The following C16orf89 variants were observed in gnomAD, a reference collection of about 807,000 sequenced individuals.
The protein encoded by C16orf89 is chromosome 16 open reading frame 89.
Under a neutral mutation model 41.5 loss-of-function variants are expected in C16orf89, and 57 were observed. That is an observed-to-expected ratio of 1.38 (90% CI 1.11 to 1.71). The LOEUF (loss-of-function observed/expected upper bound fraction) is 1.71. Ranked by LOEUF, C16orf89 falls within the 40% of genes most tolerant of loss-of-function variation. The pLI, the probability that C16orf89 is intolerant of heterozygous loss-of-function variation, is 0.00. For missense variants in C16orf89, 575 were observed against 445.9 expected (o/e 1.29, Z -2.61); for synonymous variants, 223 against 190.6 (o/e 1.17, Z -1.40).
intron 7 of C16orf89, among the ~76,000 whole-genome samples, chr16:5,047,463 C>T (rs1956318791): frequency 7.2e-6 from 1 of 139,194 alleles, no homozygotes; most frequent in African/African-American, 2.5e-5. Flanking sequence ...TCCCCACTTT[C>T]TTTCTTTCTT....
chr16:5,062,485 C>G lies in C16orf89; in HGVS notation c.298G>C (p.Glu100Gln). 1.2e-6 allele frequency: 2 copies of G among 1,614,074 alleles called. No individual in the cohort carries two copies. Among genetic ancestry groups the G allele is most frequent in the African/African-American group, 1.3e-5 (1 of 75,040 alleles). ...LRVGMLGEKL[E>Q]AAIQRSLHYL... is the part of the protein sequence containing the mutation. ...TGGAGGGATCTCTGGATGGCAGCCT[C>G]CAGCTTCTCCCCCAGCATCCCCACG... The change falls in exon 2 of 8, where the codon GAG (glutamate) becomes CAG (glutamine). Residue 100 changes from glutamate (E) to glutamine (Q), a missense_variant. Physicochemically the swap from Glu to Gln is conservative, Grantham distance 29 (BLOSUM62 2). Coordinates refer to ENST00000472572, the MANE Select transcript of C16orf89 (RefSeq NM_001098514.3).
chr16:5,053,772 C>T (rs979329803), intron 6 of C16orf89, among the ~76,000 whole-genome samples: 2 of 152,148 alleles, frequency 1.3e-5, no homozygotes, highest in Non-Finnish European at 2.9e-5. Flanking sequence ...GTTTCTAATT[C>T]CTGAGCTCAA....
intron 6 of C16orf89, among the ~76,000 whole-genome samples, chr16:5,049,055 A>G (rs1324779030): frequency 1.3e-5 from 2 of 152,246 alleles, no homozygotes; most frequent in African/African-American, 4.8e-5. Context: ...AACCAGAAGG[A>G]AGAAGGAGTA....
rs535565132 is a variant in C16orf89, at chr16:5,051,201, A to T, written c.869-3237T>A. Among the ~76,000 whole-genome samples, 4 of 152,350 alleles carry T rather than the reference A, an allele frequency of 2.6e-5. No homozygotes were observed. In the South Asian group the frequency reaches 8.3e-4, roughly 32 times the overall value. On this transcript the variant is annotated intron_variant, in intron 6 of 7. Coordinates refer to ENST00000472572, the MANE Select transcript of C16orf89 (RefSeq NM_001098514.3). ...TGACATAATACTAGAAGTCTTAGCC[A>T]GAGCAATTAAGCAAGAGAAACAAAA...
chr16:5,060,335 A>G lies in C16orf89; in HGVS notation c.460T>C (p.Phe154Leu). ...CACACGTCACTTCTCTCCTCTGAGA[A>G]TGAGTCCTGGGGCCCGAACGTGGGG... ...VYPTFGPQDS[F>L]SEERSDVCLV... The change falls in exon 3 of 8, where the codon TTC (phenylalanine) becomes CTC (leucine). Residue 154 changes from phenylalanine (F) to leucine (L), a missense_variant. Physicochemically the swap from Phe to Leu is conservative, Grantham distance 22. Transcript: ENST00000472572. The G allele has an allele frequency of 6.2e-7, 1 of 1,613,370 alleles. No individual in the cohort carries two copies.
intron 6 of C16orf89, among the ~76,000 whole-genome samples, chr16:5,051,829 G>C (rs1956401955): frequency 6.6e-6 from 1 of 152,168 alleles, no homozygotes; most frequent in African/African-American, 2.4e-5. Flanking sequence ...GCCAGGTGCG[G>C]TGGCTGACGC....
At chr16:5,045,964 C>T (rs1956288558) in intron 7 of C16orf89, among the ~76,000 whole-genome samples, 1 of 152,206 alleles carries the variant, frequency 6.6e-6, no homozygotes, top group Non-Finnish European at 1.5e-5. Context: ...GTCCCTAGGA[C>T]AGTCCTCGTG....
intron 2 of C16orf89, among the ~76,000 whole-genome samples, chr16:5,061,712 A>G (rs944310747): frequency 2.0e-5 from 3 of 152,114 alleles, no homozygotes; most frequent in Non-Finnish European, 4.4e-5. Flanking sequence ...AGCATGGGCT[A>G]TGGTCCCTGC....
intron 6 of C16orf89, among the ~76,000 whole-genome samples, chr16:5,053,714 T>G (rs1956438746): frequency 6.6e-6 from 1 of 152,060 alleles, no homozygotes. Flanking sequence ...CGGCTAATGT[T>G]TTTGATATTT....
At chr16:5,058,198 C>T (rs1390567755) in intron 4 of C16orf89, among the ~76,000 whole-genome samples, 1 of 151,974 alleles carries the variant, frequency 6.6e-6, no homozygotes, top group Non-Finnish European at 1.5e-5. Context: ...CGCAATCTTA[C>T]TCACTGCAAC....
intron 1 of C16orf89, among the ~76,000 whole-genome samples, chr16:5,065,121 TGC>T (rs562935893): frequency 3.3e-5 from 5 of 152,066 alleles, no homozygotes; most frequent in Non-Finnish European, 5.9e-5. Context: ...CATGTGTGTG[TGC>T]GTGCGTGCAT....
chr16:5,063,864 C>T (rs1231420969), intron 1 of C16orf89, among the ~76,000 whole-genome samples: 1 of 152,160 alleles, frequency 6.6e-6, no homozygotes, highest in Non-Finnish European at 1.5e-5. Context: ...CGGTGGCTCA[C>T]GCCTGTAATC....
rs1265965891 is a variant in C16orf89, at chr16:5,059,443, C to G, written c.510-833G>C. ...AAAGAACACACCACTGCACTCCAGC[C>G]TGGGGGACAGTGAGCCTCTGTCTCA... On this transcript the variant is annotated intron_variant, in intron 3 of 7. Transcript: ENST00000472572. 3.3e-5 allele frequency among the ~76,000 whole-genome samples: 5 copies of G among 152,132 alleles called. 1 individual carries two copies. In the South Asian group the frequency reaches 6.2e-4, roughly 19 times the overall value.
chr16:5,055,976 TGTGTGTGTGTGTGTGTG>T, intron 5 of C16orf89, 60 bp downstream of exon 5: 1 of 1,005,960 alleles, frequency 9.9e-7, no homozygotes. Flanking sequence ...TGTGTGTGTG[TGTGTGTGTGTGTGTGTG>T]TGTGTGTTGG....
intron 5 of C16orf89, 135 bp from the exon 6 acceptor site, chr16:5,055,485 A>C (rs741165): frequency 0.49 from 468,716 of 957,450 alleles, 117,874 homozygotes; most frequent in East Asian, 0.69. Flanking sequence ...AATGCAGAGG[A>C]GGGAAGGAGG....
intron 6 of C16orf89, among the ~76,000 whole-genome samples, chr16:5,051,960 C>T (rs1392579371): frequency 6.6e-6 from 1 of 151,662 alleles, no homozygotes; most frequent in Non-Finnish European, 1.5e-5. Flanking sequence ...ATTAGCCGGG[C>T]ATGATGGTGG....
chr16:5,058,010 G>A (rs769151990), intron 4 of C16orf89, among the ~76,000 whole-genome samples: 2 of 152,116 alleles, frequency 1.3e-5, no homozygotes, highest in Non-Finnish European at 2.9e-5. Context: ...CACAGCAGGA[G>A]TATGATAGGG....
rs369787315 is a variant in C16orf89 at position 5,058,481 on chromosome 16, C to T, written c.627+12G>A. 266 of 1,585,414 alleles carry T rather than the reference C, an allele frequency of 1.7e-4. 2 individuals are homozygous for T. The African/African-American group carries it at 3.3e-3, about 20-fold the overall frequency. On this transcript the variant is annotated intron_variant, in intron 4 of 7. Coordinates refer to ENST00000472572, the MANE Select transcript of C16orf89 (RefSeq NM_001098514.3). ...CTTCCCCTGGCACGGCGGGGGCTCC[C>T]TGGGCACTCACCATTCTGGCCCAGA...
At position 5,058,623 on chromosome 16, in the gene C16orf89, G is replaced by A; in HGVS notation, c.510-13C>T. On this transcript the variant is annotated splice_polypyrimidine_tract_variant and intron_variant, in intron 3 of 7. Transcript: ENST00000472572. ...GCTGCTGTCCGTCCTGGGGGAAAGT[G>A]GTTCCAAGCTGTTAAGGATGGAGCG... 1 of 1,593,280 alleles carries A rather than the reference G, an allele frequency of 6.3e-7. No individual in the cohort carries two copies. The highest frequency in any genetic ancestry group is 8.6e-7 in the Non-Finnish European group (1 of 1,163,690).
Sources: gnomAD v4.1 joint callset for allele counts (sites outside exome capture counted in the v4.1 genomes callset) on GRCh38, gnomAD v4.1.1 for gene constraint, MANE v1.5 for transcripts, NCBI Gene and HGNC (gene_info 2026-07-23, HGNC 2026-07-21) for gene names.